The following NSD2 variants were observed in gnomAD, a reference collection of about 807,000 sequenced individuals.
The protein encoded by NSD2 is nuclear receptor binding SET domain protein 2.
A neutral mutation model predicts 139.0 loss-of-function variants in NSD2; 12 were observed. That is an observed-to-expected ratio of 0.09 (90% CI 0.06 to 0.14). The LOEUF is 0.14. Among genes scored for constraint, NSD2 ranks in the 10% least tolerant of loss-of-function variants. NSD2 has a pLI of 1.00. For missense variants in NSD2, 1,155 were observed against 1,745.0 expected (o/e 0.66, Z 6.02); for synonymous variants, 669 against 648.7 (o/e 1.03, Z -0.48).
rs768014556 is a variant in NSD2 at position 1,904,405 on chromosome 4, C to T, written c.760+27C>T. On this transcript the variant is annotated intron_variant, in intron 3 of 21. Coordinates refer to ENST00000508803, the MANE Select transcript of NSD2 (RefSeq NM_001042424.3). ...TATTGTGTTCTTTGGGTTGTTTTTCCAACTTTCTCTTCTGCACTTAATCTT... is the reference window on the plus strand; with the variant it reads ...TATTGTGTTCTTTGGGTTGTTTTTCTAACTTTCTCTTCTGCACTTAATCTT... 9.5e-6 allele frequency: 15 copies of T among 1,586,528 alleles called. No homozygotes were observed. In the African/African-American group the frequency reaches 1.9e-4, roughly 20 times the overall value.
At position 1,942,640 on chromosome 4, in the gene NSD2, C is replaced by T. The variant is rs1723214886; in HGVS notation, c.1881+2862C>T. The T allele has an allele frequency of 8.3e-7, 1 of 1,203,044 alleles. No homozygotes were observed. The highest frequency in any genetic ancestry group is 1.6e-5 in the African/African-American group (1 of 64,194). The allele number at this position is 1,203,044 out of a possible 1,614,324, so 74.5% of individuals were successfully genotyped here. A position where few individuals can be genotyped will look rare whatever the true frequency, so the allele number is the denominator to read the frequency against. On this transcript the variant is annotated intron_variant, in intron 9 of 21. Transcript: ENST00000508803. The surrounding 1 kb of genome is among the most constrained non-coding windows in gnomAD (Gnocchi z 4.0). ...AGAAACACGTTCATATTCCAGTGGT[C>T]AATGTAGATTTCAAGTTGAAAGGCA...
In NSD2 at chr4:1,918,506, C is replaced by A. The variant is rs750069519; in HGVS notation, c.1293C>A (p.Pro431=). 1 of 1,613,858 alleles carries A rather than the reference C, an allele frequency of 6.2e-7. No homozygotes were observed. The highest frequency in any genetic ancestry group is 1.3e-5 in the African/African-American group (1 of 74,920). ...STPQKTAEAD[P]RRGVGSPPGR... is the part of the protein sequence containing the mutation. ...CTCAAAAGACGGCAGAGGCTGACCCCAGAAGAGGAGTAGGGTCTCCTCCTG... is the reference window on the plus strand; with the variant it reads ...CTCAAAAGACGGCAGAGGCTGACCCAAGAAGAGGAGTAGGGTCTCCTCCTG... The change falls in exon 5 of 22, where the codon CCC becomes CCA. Residue 431 remains proline, a synonymous_variant. Coordinates refer to ENST00000508803, the MANE Select transcript of NSD2 (RefSeq NM_001042424.3).
intron 9 of NSD2, chr4:1,947,440 C>A: frequency 9.4e-7 from 1 of 1,059,254 alleles, no homozygotes; most frequent in African/African-American, 1.6e-5. Context: ...CCTCTGTTCT[C>A]AGAGACTCAC....
chr4:1,899,968 G>A (rs1233228133), intron 1 of NSD2, among the ~76,000 whole-genome samples: 3 of 152,204 alleles, frequency 2.0e-5, no homozygotes, highest in African/African-American at 7.2e-5. Context: ...ACTGGGTTGA[G>A]CATAGCCAGA....
At chr4:1,975,628 G>T in intron 20 of NSD2, 1 of 526,630 alleles carries the variant, frequency 1.9e-6, no homozygotes, top group Non-Finnish European at 3.4e-6. Flanking sequence ...ATGCCTCACA[G>T]ACGCGTGGTT....
At chr4:1,887,786 T>TA (rs1471839826) in intron 1 of NSD2, 2 of 152,208 alleles carry the variant, frequency 1.3e-5, no homozygotes, top group African/African-American at 4.8e-5. Flanking sequence ...TTCCTGGTGG[T>TA]AAGTTTTTCT....
At chr4:1,954,826 T>C (rs1724634452) in intron 12 of NSD2, 1 of 213,234 alleles carries the variant, frequency 4.7e-6, no homozygotes, top group Admixed American at 5.4e-5. Context: ...CATTTGGCAA[T>C]GTCTGGGGAT....
chr4:1,970,014 C>T (rs972467729), intron 18 of NSD2, among the ~76,000 whole-genome samples: 2 of 152,056 alleles, frequency 1.3e-5, no homozygotes, highest in Non-Finnish European at 2.9e-5. Flanking sequence ...GAGCAGAGTG[C>T]AGCTGAAAGA....
At chr4:1,913,027 G>T (rs1388547212) in intron 3 of NSD2, among the ~76,000 whole-genome samples, 1 of 152,174 alleles carries the variant, frequency 6.6e-6, no homozygotes, top group Non-Finnish European at 1.5e-5. Context: ...GATTATATAT[G>T]AATATTATTA....
chr4:1,914,265 T>G (rs1719068540), intron 3 of NSD2, among the ~76,000 whole-genome samples: 7 of 152,122 alleles, frequency 4.6e-5, no homozygotes, highest in Admixed American at 4.6e-4. Flanking sequence ...TCAAGTATTC[T>G]ACCCGCCTTG....
chr4:1,878,911 G>A (rs114308800), intron 1 of NSD2, among the ~76,000 whole-genome samples: 1,815 of 152,294 alleles, frequency 0.012, 39 homozygotes, highest in African/African-American at 0.042. Flanking sequence ...GCGTGAGAGT[G>A]GTGCAGGAGA....
intron 1 of NSD2, among the ~76,000 whole-genome samples, chr4:1,887,975 T>A (rs1369446228): frequency 6.6e-6 from 1 of 152,116 alleles, no homozygotes; most frequent in Non-Finnish European, 1.5e-5. Context: ...ATTGGACTCC[T>A]CCCTATTCTG....
chr4:1,901,369 C>A, intron 2 of NSD2, 118 bp downstream of exon 2: 2 of 882,596 alleles, frequency 2.3e-6, no homozygotes, highest in Non-Finnish European at 3.4e-6. Context: ...AGGCCTGGTA[C>A]TTCCAGCCAC....
rs1392139326 is a variant in NSD2 at position 1,974,475 on chromosome 4, A to G, written c.3373-388A>G. ...GTGATCTGCCTGCTTCAGCCTCCCA[A>G]AGTGCTGGGATTACAGGCGTGAGCC... is the stretch of plus-strand genomic sequence containing the variant. On this transcript the variant is annotated intron_variant, in intron 18 of 21. Coordinates refer to ENST00000508803, the MANE Select transcript of NSD2 (RefSeq NM_001042424.3). This position sits in a 1 kb window ranked among gnomAD's most constrained non-coding sequence, Gnocchi z 4.0. Among the ~76,000 whole-genome samples the G allele has an allele frequency of 6.6e-6, 1 of 152,052 alleles. No individual in the cohort carries two copies. The highest frequency in any genetic ancestry group is 1.5e-5 in the Non-Finnish European group (1 of 67,980).
intron 1 of NSD2, among the ~76,000 whole-genome samples, chr4:1,884,733 C>T (rs1714952122): frequency 6.6e-6 from 1 of 152,054 alleles, no homozygotes; most frequent in African/African-American, 2.4e-5. Flanking sequence ...TTGTAGAAGA[C>T]AAATTGGGAT....
intron 1 of NSD2, chr4:1,887,567 C>T (rs1715210733): frequency 6.6e-6 from 1 of 152,444 alleles, no homozygotes; most frequent in African/African-American, 2.4e-5. Context: ...CCTCCAACTC[C>T]TGGGCTCAAG....
At chr4:1,904,122 A>G in intron 2 of NSD2, 94 bp from the exon 3 acceptor site, 1 of 1,395,894 alleles carries the variant, frequency 7.2e-7, no homozygotes, top group African/African-American at 1.4e-5. Flanking sequence ...GTCTGTGTGT[A>G]TTTGGACATT....
chr4:1,883,185 A>G (rs141827113), intron 1 of NSD2, among the ~76,000 whole-genome samples: 1 of 152,290 alleles, frequency 6.6e-6, no homozygotes, highest in Non-Finnish European at 1.5e-5. Flanking sequence ...TCCAGATAGC[A>G]TTCTTTCTGT....
intron 3 of NSD2, among the ~76,000 whole-genome samples, chr4:1,911,222 G>A (rs1408792406): frequency 1.3e-5 from 2 of 152,116 alleles, no homozygotes; most frequent in Non-Finnish European, 2.9e-5. Flanking sequence ...GGTTCTCTTC[G>A]AAGGGGATGT....
Sources: gnomAD v4.1 joint callset for allele counts (sites outside exome capture counted in the v4.1 genomes callset) on GRCh38, gnomAD v4.1.1 for gene constraint, Gnocchi (gnomAD v3.1) non-coding constraint, MANE v1.5 for transcripts, NCBI Gene and HGNC (gene_info 2026-07-23, HGNC 2026-07-21) for gene names.